MBD5: variants seen among roughly 807,000 people sequenced by gnomAD.
MBD5 encodes methyl-CpG binding domain protein 5.
A neutral mutation model predicts 117.3 loss-of-function variants in MBD5; 13 were observed. The observed-to-expected ratio is 0.11, with a 90% CI of 0.07 to 0.18. The LOEUF (loss-of-function observed/expected upper bound fraction) is 0.18, where lower values mean the gene tolerates loss of function less well. MBD5 is among the 10% of genes least tolerant of loss of function. The pLI is 1.00. For missense variants in MBD5, 1,879 were observed against 2,093.8 expected (o/e 0.90, Z 2.00); for synonymous variants, 727 against 766.4 (o/e 0.95, Z 0.85).
intron 4 of MBD5, among the ~76,000 whole-genome samples, chr2:148,357,461 CT>C (rs5835183): frequency 0.74 from 109,099 of 147,244 alleles, 40,282 homozygotes; most frequent in African/African-American, 0.8. Flanking sequence ...AGGATTTACT[CT>C]TTTTTTTTTT....
intron 4 of MBD5, among the ~76,000 whole-genome samples, chr2:148,371,006 G>A (rs1013275936): frequency 7.9e-5 from 12 of 152,126 alleles, no homozygotes; most frequent in Non-Finnish European, 1.8e-4. Context: ...GTTTAAGAAG[G>A]AATATTGTTA....
intron 13 of MBD5, among the ~76,000 whole-genome samples, chr2:148,511,521 C>A (rs1295308986): frequency 6.6e-6 from 1 of 152,204 alleles, no homozygotes; most frequent in Non-Finnish European, 1.5e-5. Context: ...AAATTGTGTT[C>A]ATGTTGCAAG....
At chr2:148,460,212 A>G (rs1245632572) in intron 5 of MBD5, 1 of 152,044 alleles carries the variant, frequency 6.6e-6, no homozygotes, top group Non-Finnish European at 1.5e-5. Context: ...TTTTGTTCCT[A>G]TGAAAGATAG....
intron 3 of MBD5, among the ~76,000 whole-genome samples, chr2:148,245,090 A>G (rs1439748366): frequency 2.0e-5 from 3 of 152,214 alleles, no homozygotes; most frequent in Non-Finnish European, 4.4e-5. Context: ...CTTGTTAGCA[A>G]TATTTTACTT....
chr2:148,246,623 G>A (rs1700342894), intron 3 of MBD5, among the ~76,000 whole-genome samples: 1 of 151,964 alleles, frequency 6.6e-6, no homozygotes. Flanking sequence ...ACAAAAATTA[G>A]CATGATGGCA....
chr2:148,385,256 C>G (rs1704313463), intron 4 of MBD5, among the ~76,000 whole-genome samples: 1 of 152,052 alleles, frequency 6.6e-6, no homozygotes, highest in South Asian at 2.1e-4. Context: ...TGAACTCAAA[C>G]AAATTTACAA....
intron 1 of MBD5, among the ~76,000 whole-genome samples, chr2:148,052,892 G>A (rs144353747): frequency 2.0e-3 from 308 of 150,296 alleles, no homozygotes; most frequent in African/African-American, 7.0e-3. Flanking sequence ...AGTCCAGGAG[G>A]CAGAAGTTGC....
intron 1 of MBD5, among the ~76,000 whole-genome samples, chr2:148,095,532 G>A (rs1164569025): frequency 1.3e-5 from 2 of 152,000 alleles, no homozygotes; most frequent in East Asian, 3.9e-4. Flanking sequence ...GGTGTATTTT[G>A]AAGACTTTAT....
Position 148,207,790 on chromosome 2 carries a change from A to G in MBD5, c.-830-25455A>G, listed in dbSNP as rs1277092761. 2.0e-5 allele frequency among the ~76,000 whole-genome samples: 3 copies of G among 152,186 alleles called. No homozygotes were observed. The East Asian group carries it at 5.8e-4, about 29-fold the overall frequency. On this transcript the variant is annotated intron_variant, in intron 2 of 13. Transcript: ENST00000642680. ...AAAATAAAATCAACTAACTATCACA[A>G]ATAAATTCCCTAAGATATATGGCAT... is the stretch of plus-strand genomic sequence containing the variant.
At chr2:148,446,945 T>C (rs1034765724) in intron 4 of MBD5, among the ~76,000 whole-genome samples, 4 of 151,970 alleles carry the variant, frequency 2.6e-5, no homozygotes, top group Non-Finnish European at 5.9e-5. Flanking sequence ...CAGTGGCATT[T>C]TATATATCCT....
chr2:148,474,925 GA>G (rs1422239403), intron 8 of MBD5, among the ~76,000 whole-genome samples: 1 of 152,062 alleles, frequency 6.6e-6, no homozygotes, highest in Non-Finnish European at 1.5e-5. Flanking sequence ...TAGCAGTAAA[GA>G]AAATAAAGGG....
intron 4 of MBD5, among the ~76,000 whole-genome samples, chr2:148,445,493 T>C (rs1465651092): frequency 6.6e-6 from 1 of 151,350 alleles, no homozygotes; most frequent in African/African-American, 2.5e-5. Context: ...TGCATAGTAT[T>C]CCATGGTGTA....
At chr2:148,283,690 C>T (rs1047964631) in intron 3 of MBD5, among the ~76,000 whole-genome samples, 2 of 152,136 alleles carry the variant, frequency 1.3e-5, no homozygotes, top group Non-Finnish European at 2.9e-5. Flanking sequence ...ATACAGTTTT[C>T]TCCTCCTCCT....
intron 1 of MBD5, chr2:148,027,598 CATTTTGG>C (rs960405809): frequency 3.9e-5 from 6 of 151,956 alleles, no homozygotes; most frequent in African/African-American, 1.4e-4. Flanking sequence ...CTCACTGAAG[CATTTTGG>C]ATTTTGGATT....
chr2:148,309,961 A>G lies in MBD5; in HGVS notation c.-679-32253A>G, dbSNP rs185006599. Among the ~76,000 whole-genome samples the G allele has an allele frequency of 2.6e-3, 400 of 152,282 alleles. 4 individuals carry two copies. Among genetic ancestry groups the G allele is most frequent in the African/African-American group, 8.7e-3 (360 of 41,558 alleles). ...GATGGATTATGTTTATTGATTTACA[A>G]TGTTGAACCAGCCTTGCATCCCAGG... On this transcript the variant is annotated intron_variant, in intron 3 of 13. Coordinates refer to ENST00000642680, the MANE Select transcript of MBD5 (RefSeq NM_001378120.1).
chr2:148,460,867 T>G (rs542702854), intron 5 of MBD5, among the ~76,000 whole-genome samples: 84 of 152,306 alleles, frequency 5.5e-4, no homozygotes, highest in African/African-American at 1.9e-3. Context: ...TAAGTTAAAA[T>G]GTTGGGCAGT....
intron 4 of MBD5, among the ~76,000 whole-genome samples, chr2:148,406,116 G>A (rs1446135044): frequency 6.6e-6 from 1 of 152,052 alleles, no homozygotes. Context: ...AATCACTTGA[G>A]CCATGAGGCA....
At position 148,516,030 on chromosome 2, in the gene MBD5, C is replaced by G. The variant is rs1682337329; in HGVS notation, c.*3089C>G. 6.6e-6 allele frequency: 1 copy of G among 152,194 alleles called. No homozygotes were observed. The allele number at this position is 152,194 out of a possible 1,614,324, so 9.4% of individuals were successfully genotyped here. ...CCACTTTTAGTCTTTTATTTGGACC[C>G]TGACTTTGAGTTTTTGCTATGCCTG... is the stretch of plus-strand genomic sequence containing the variant. On this transcript the variant is annotated 3_prime_UTR_variant, in exon 14 of 14. Coordinates refer to ENST00000642680, the MANE Select transcript of MBD5 (RefSeq NM_001378120.1).
chr2:148,277,680 C>T (rs549831114), intron 3 of MBD5, among the ~76,000 whole-genome samples: 1 of 152,052 alleles, frequency 6.6e-6, no homozygotes, highest in South Asian at 2.1e-4. Context: ...TATTTGTGCT[C>T]GTTTTGTTTT....
Sources: gnomAD v4.1 joint callset for allele counts (sites outside exome capture counted in the v4.1 genomes callset) on GRCh38, gnomAD v4.1.1 for gene constraint, MANE v1.5 for transcripts, NCBI Gene and HGNC (gene_info 2026-07-23, HGNC 2026-07-21) for gene names.